Variants in CNOT1 observed in about 807,000 individuals in gnomAD.
CNOT1 encodes the protein CCR4-NOT transcription complex subunit 1.
Under a neutral mutation model 273.8 loss-of-function variants are expected in CNOT1, and 15 were observed. That is an observed-to-expected ratio of 0.05 (90% CI 0.04 to 0.08). The LOEUF (loss-of-function observed/expected upper bound fraction) is 0.08. Among genes scored for constraint, CNOT1 ranks in the 10% least tolerant of loss-of-function variants. The probability of loss-of-function intolerance (pLI) is 1.00; values close to 1 mark genes in which losing one functional copy is unlikely to be tolerated. For missense variants in CNOT1, 1,644 were observed against 2,912.2 expected, an observed-to-expected ratio of 0.56 and a Z score of 10.02; for synonymous variants, 1,022 against 1,005.5, an observed-to-expected ratio of 1.02 and a Z score of -0.31.
intron 30 of CNOT1, 146 bp from the exon 31 acceptor site, chr16:58,544,049 T>G (rs939122255): frequency 7.5e-7 from 1 of 1,331,126 alleles, no homozygotes; most frequent in South Asian, 1.6e-5. Flanking sequence ...AAAATTCGGG[T>G]AACAGAAACT....
At position 58,529,358 on chromosome 16, in the gene CNOT1, A is replaced by AGTAAAAG. The variant is rs1200630647; in HGVS notation, c.6280-717_6280-711dup. On this transcript the variant is annotated intron_variant, in intron 43 of 48. Transcript: ENST00000317147. Reference sequence around the variant, plus strand: ...AGACACCTCCCCCTTCCTTTAAGGGAGTAAAAGGGCAAGCTGTGAGAGTGG... The same window carrying AGTAAAAG: ...AGACACCTCCCCCTTCCTTTAAGGGAGTAAAAGGTAAAAGGGCAAGCTGTGAGAGTGG... Among the ~76,000 whole-genome samples the AGTAAAAG allele has an allele frequency of 3.3e-5, 5 of 152,192 alleles. No individual in the cohort carries two copies. The East Asian group carries it at 7.7e-4, about 23-fold the overall frequency.
intron 40 of CNOT1, 68 bp from the exon 41 acceptor site, chr16:58,532,463 T>A: frequency 1.3e-6 from 2 of 1,559,336 alleles, no homozygotes; most frequent in Non-Finnish European, 1.7e-6. Flanking sequence ...GATGTCATGC[T>A]TTTTAAACTT....
intron 2 of CNOT1, among the ~76,000 whole-genome samples, chr16:58,594,692 C>T (rs879487434): frequency 6.6e-6 from 1 of 151,264 alleles, no homozygotes; most frequent in African/African-American, 2.4e-5. Context: ...ATCCCAGCTA[C>T]TGGGGAGGGA....
chr16:58,594,841 G>C (rs2042194400), intron 2 of CNOT1, among the ~76,000 whole-genome samples: 1 of 151,282 alleles, frequency 6.6e-6, no homozygotes, highest in South Asian at 2.1e-4. Flanking sequence ...AAAAGGCTAG[G>C]TACAGTGGCT....
rs2040120146 is a variant in CNOT1 at position 58,542,421 on chromosome 16, C to T, written c.4575+7G>A. The stretch of plus-strand genomic sequence containing the variant: ...AAAATCTTAAAAGGCAAATTCTAAA[C>T]ACTTACAGTTGCTAATCTCTTGTCC... On this transcript the variant is annotated splice_region_variant and intron_variant, in intron 32 of 48. Transcript: ENST00000317147. The T allele has an allele frequency of 6.2e-7, 1 of 1,614,030 alleles. No homozygotes were observed. Among genetic ancestry groups the T allele is most frequent in the Non-Finnish European group, 8.5e-7 (1 of 1,180,008 alleles).
rs112685650 is a variant in CNOT1 at position 58,521,685 on chromosome 16, G to A, written c.6918-368C>T. Among the ~76,000 whole-genome samples the A allele has an allele frequency of 2.6e-5, 4 of 152,170 alleles. 2 individuals are homozygous for A. Among genetic ancestry groups the A allele is most frequent in the African/African-American group, 9.6e-5 (4 of 41,524 alleles). ...ATGAGCTCCCAGGCCGGGCACAGTGGCTCATGCCTGTAATCCAGCACTTTG... is the reference window on the plus strand; with the variant it reads ...ATGAGCTCCCAGGCCGGGCACAGTGACTCATGCCTGTAATCCAGCACTTTG... On this transcript the variant is annotated intron_variant, in intron 47 of 48. Transcript: ENST00000317147.
chr16:58,570,904 A>G (rs544552673), intron 16 of CNOT1, among the ~76,000 whole-genome samples: 1 of 152,324 alleles, frequency 6.6e-6, no homozygotes, highest in South Asian at 2.1e-4. Flanking sequence ...GACAGGCAGT[A>G]ATGGAAGAAC....
chr16:58,597,632 G>C, intron 2 of CNOT1: 1 of 442,346 alleles, frequency 2.3e-6, no homozygotes, highest in South Asian at 1.8e-5. Context: ...AATCAACATG[G>C]AGAGATGCTA....
intron 16 of CNOT1, among the ~76,000 whole-genome samples, chr16:58,568,892 A>T (rs2041161515): frequency 6.6e-6 from 1 of 152,208 alleles, no homozygotes; most frequent in Non-Finnish European, 1.5e-5. Flanking sequence ...AAACAAAAAA[A>T]GGGCAATAAC....
At position 58,576,592 on chromosome 16, in the gene CNOT1, G is replaced by A. The variant is rs2041464798; in HGVS notation, c.1585-10C>T. 6.2e-7 allele frequency: 1 copy of A among 1,613,932 alleles called. No individual in the cohort carries two copies. The highest frequency in any genetic ancestry group is 2.2e-5 in the East Asian group (1 of 44,862). ...TTGAGGGAGACTGTCCCTAAAAAGG[G>A]GAAGAAAGATTAAATAGCAATACTG... On this transcript the variant is annotated splice_polypyrimidine_tract_variant and intron_variant, in intron 13 of 48. Transcript: ENST00000317147.
At position 58,561,556 on chromosome 16, in the gene CNOT1, G is replaced by T. The variant is rs151330532; in HGVS notation, c.1980-1194C>A. Among the ~76,000 whole-genome samples, 63 of 152,202 alleles carry T rather than the reference G, an allele frequency of 4.1e-4. No individual in the cohort carries two copies. In the East Asian group the frequency reaches 8.7e-3, roughly 21 times the overall value. On this transcript the variant is annotated intron_variant, in intron 16 of 48. Coordinates refer to ENST00000317147, the MANE Select transcript of CNOT1 (RefSeq NM_016284.5). ...ACCTCTAAAACAAATGTCAAGTAGG[G>T]TAAATGTTTACTTGACAATTAAACC...
At chr16:58,540,059 T>C in intron 34 of CNOT1, 100 bp from the exon 35 acceptor site, 1 of 1,187,114 alleles carries the variant, frequency 8.4e-7, no homozygotes, top group Non-Finnish European at 1.2e-6. Context: ...GTTTACTCCC[T>C]TTTTCTTATT....
At position 58,556,735 on chromosome 16, in the gene CNOT1, C is replaced by T. The variant is rs147667451; in HGVS notation, c.2479+112G>A. ...AATAATTCAAATTTGTGAATTTATT[C>T]CCATTGGTCTAGGAGGCACATCAAC... On this transcript the variant is annotated intron_variant, in intron 19 of 48. Transcript: ENST00000317147. 106 of 1,426,984 alleles carry T rather than the reference C, an allele frequency of 7.4e-5. 1 individual carries two copies. In the East Asian group the frequency reaches 2.6e-3, roughly 35 times the overall value. 88.4% of individuals were successfully genotyped at this position (1,426,984 alleles called of 1,614,324 possible).
At position 58,601,112 on chromosome 16, in the gene CNOT1, G is replaced by A. The variant is rs147487818; in HGVS notation, c.-174-1601C>T. Among the ~76,000 whole-genome samples, 4 of 152,306 alleles carry A rather than the reference G, an allele frequency of 2.6e-5. No individual in the cohort carries two copies. In the East Asian group the frequency reaches 7.7e-4, roughly 29 times the overall value. On this transcript the variant is annotated intron_variant, in intron 1 of 48. Coordinates refer to ENST00000317147, the MANE Select transcript of CNOT1 (RefSeq NM_016284.5). ...TGGAATTACAGGCAACAGCCACCAT[G>A]CCCAGCTAATTTGTTGTGTTTTTAG...
chr16:58,520,011 C>A lies in CNOT1; in HGVS notation c.*947G>T, dbSNP rs766826219. The A allele has an allele frequency of 5.9e-5, 9 of 152,218 alleles. No homozygotes were observed. Among genetic ancestry groups the A allele is most frequent in the Non-Finnish European group, 1.0e-4 (7 of 68,056 alleles). The allele number at this position is 152,218 out of a possible 1,614,324, so 9.4% of individuals were successfully genotyped here. On this transcript the variant is annotated 3_prime_UTR_variant, in exon 49 of 49. Transcript: ENST00000317147. ...CATACACATACAAGAAGTAGGGGAG[C>A]TGAAGCCCAGGAAAAGGCTACAAAA...
intron 39 of CNOT1, among the ~76,000 whole-genome samples, chr16:58,534,850 A>G (rs993734600): frequency 7.2e-5 from 11 of 152,238 alleles, no homozygotes; most frequent in Non-Finnish European, 1.0e-4. Flanking sequence ...CCAATAACAA[A>G]GATTTTAAAA....
intron 1 of CNOT1, among the ~76,000 whole-genome samples, chr16:58,611,397 C>A (rs998932393): frequency 6.6e-6 from 1 of 151,910 alleles, no homozygotes; most frequent in Non-Finnish European, 1.5e-5. Flanking sequence ...CCACTGTACT[C>A]CAGTCTGAGC....
chr16:58,532,154 G>A, intron 41 of CNOT1, 78 bp downstream of exon 41: 3 of 1,606,022 alleles, frequency 1.9e-6, no homozygotes, highest in Non-Finnish European at 2.6e-6. Context: ...GGCTCAAAAT[G>A]CTCAAGAGTT....
At chr16:58,587,527 T>C (rs1288701375) in intron 4 of CNOT1, 114 bp from the exon 5 acceptor site, 4 of 1,422,944 alleles carry the variant, frequency 2.8e-6, no homozygotes, top group Non-Finnish European at 3.8e-6. Context: ...AATTCTGTAG[T>C]GTTACTAGAA....
Sources: allele counts gnomAD v4.1 joint callset (sites outside exome capture counted in the v4.1 genomes callset), GRCh38; gene constraint gnomAD v4.1.1; transcripts MANE v1.5; gene names NCBI Gene and HGNC (gene_info 2026-07-23, HGNC 2026-07-21).